The following MYO3B variants were observed in gnomAD, a reference collection of about 807,000 sequenced individuals.
MYO3B encodes the protein myosin IIIB, also known as myosin-IIIb.
MYO3B carries 156 observed loss-of-function variants against 174.6 expected under a neutral mutation model. That is an observed-to-expected ratio of 0.89 (90% confidence interval 0.78 to 1.02). MYO3B has a LOEUF of 1.02. MYO3B is among the 50% of genes least tolerant of loss of function. The pLI is 0.00. For synonymous variants in MYO3B, 563 were observed against 569.1 expected (o/e 0.99, Z 0.15); for missense variants, 1,632 against 1,639.4 (o/e 1.00, Z 0.08).
intron 1 of MYO3B, among the ~76,000 whole-genome samples, chr2:170,193,953 A>G (rs1354950487): frequency 6.6e-6 from 1 of 152,158 alleles, no homozygotes; most frequent in Admixed American, 6.6e-5. Flanking sequence ...TTTGAAATGT[A>G]TAACATTTCC....
At chr2:170,443,445 T>A (rs2094817278) in intron 22 of MYO3B, among the ~76,000 whole-genome samples, 1 of 152,234 alleles carries the variant, frequency 6.6e-6, no homozygotes, top group Non-Finnish European at 1.5e-5. Flanking sequence ...GTAGGTTGCC[T>A]GTTCACTCTG....
At position 170,369,277 on chromosome 2, in the gene MYO3B, C is replaced by G. The variant is rs764966692; in HGVS notation, c.871C>G (p.Pro291Ala). ...RPSVTHLLDHPFIKGVHGKVL... is the reference protein window; with the variant it reads ...RPSVTHLLDHAFIKGVHGKVL... Reference sequence around the variant, plus strand: ...TTCCGTCACACATCTCCTTGACCACCCATTTATTAAAGGAGTACATGGAAA... The same window carrying G: ...TTCCGTCACACATCTCCTTGACCACGCATTTATTAAAGGAGTACATGGAAA... The change falls in exon 9 of 35, where the codon CCA (proline) becomes GCA (alanine). Residue 291 changes from proline (P) to alanine (A), a missense_variant. Pro to Ala is a conservative substitution (Grantham distance 27). Transcript: ENST00000408978. 6.2e-7 allele frequency: 1 copy of G among 1,613,534 alleles called. No homozygotes were observed. The highest frequency in any genetic ancestry group is 8.5e-7 in the Non-Finnish European group (1 of 1,179,636).
chr2:170,505,003 G>A lies in MYO3B; in HGVS notation c.3370+3138G>A, dbSNP rs1687530528. The stretch of plus-strand genomic sequence containing the variant: ...CACATTTGCATTTTCAAAATAAACA[G>A]ATGCCTTTCAAATACATGAGCTGGT... On this transcript the variant is annotated intron_variant, in intron 28 of 34. Coordinates refer to ENST00000408978, the MANE Select transcript of MYO3B (RefSeq NM_138995.5). Among the ~76,000 whole-genome samples, 3 of 152,140 alleles carry A rather than the reference G, an allele frequency of 2.0e-5. No homozygotes were observed. In the South Asian group the frequency reaches 6.2e-4, roughly 32 times the overall value.
intron 24 of MYO3B, among the ~76,000 whole-genome samples, chr2:170,465,275 G>A (rs1218740229): frequency 6.6e-6 from 1 of 152,118 alleles, no homozygotes; most frequent in African/African-American, 2.4e-5. Context: ...GAGGCCTCGG[G>A]GAGCTTTTAC....
chr2:170,488,140 C>T (rs1226345949), intron 25 of MYO3B, among the ~76,000 whole-genome samples: 2 of 152,166 alleles, frequency 1.3e-5, no homozygotes, highest in Admixed American at 6.5e-5. Context: ...ATGGGACTCT[C>T]ATATTCTAGT....
intron 25 of MYO3B, among the ~76,000 whole-genome samples, chr2:170,485,421 A>C (rs1157181818): frequency 1.0e-5 from 1 of 97,422 alleles, no homozygotes; most frequent in South Asian, 3.3e-4. Context: ...ACACACACAC[A>C]GAGAGAGAGA....
intron 7 of MYO3B, among the ~76,000 whole-genome samples, chr2:170,327,402 A>G (rs2093876902): frequency 7.3e-6 from 1 of 137,624 alleles, no homozygotes; most frequent in African/African-American, 2.5e-5. Flanking sequence ...ACAAAGAAGA[A>G]TCAACAAGCT....
chr2:170,626,319 T>A (rs1433676497), intron 32 of MYO3B, among the ~76,000 whole-genome samples: 1 of 152,232 alleles, frequency 6.6e-6, no homozygotes, highest in Non-Finnish European at 1.5e-5. Flanking sequence ...TGGCCTTCTT[T>A]ATCTCTTTTG....
intron 20 of MYO3B, 77 bp downstream of exon 20, chr2:170,404,477 T>C: frequency 7.2e-7 from 1 of 1,391,054 alleles, no homozygotes; most frequent in South Asian, 1.5e-5. Context: ...TGTACTTTAA[T>C]GAATTTACCT....
Position 170,219,984 on chromosome 2 carries a change from T to C in MYO3B, c.603+2589T>C, listed in dbSNP as rs138781868. Among the ~76,000 whole-genome samples the C allele has an allele frequency of 9.1e-3, 1,378 of 152,154 alleles. 8 individuals carry two copies. Among genetic ancestry groups the C allele is most frequent in the Middle Eastern group, 0.014 (4 of 294 alleles). ...TTATTAAGAGGTGTTTGTGGCCGGG[T>C]GTGGTGGCTCATACCTGTAATCCCA... On this transcript the variant is annotated intron_variant, in intron 6 of 34. Transcript: ENST00000408978.
At chr2:170,493,793 A>G (rs1053948587) in intron 25 of MYO3B, among the ~76,000 whole-genome samples, 11 of 151,702 alleles carry the variant, frequency 7.3e-5, no homozygotes, top group Non-Finnish European at 1.5e-4. Flanking sequence ...GCCATCTTCT[A>G]TATAATGAAG....
At chr2:170,645,709 T>A (rs1328064953) in intron 32 of MYO3B, among the ~76,000 whole-genome samples, 1 of 152,206 alleles carries the variant, frequency 6.6e-6, no homozygotes, top group Non-Finnish European at 1.5e-5. Flanking sequence ...TTTGGTACTA[T>A]GTGCCTTATT....
At chr2:170,517,989 T>TTGTGTGTGTGTGTG (rs10606302) in intron 29 of MYO3B, among the ~76,000 whole-genome samples, 6 of 149,394 alleles carry the variant, frequency 4.0e-5, no homozygotes, top group African/African-American at 1.2e-4. Context: ...GCCATAATGT[T>TTGTGTGTGTGTGTG]TGTGTGTGTG....
chr2:170,440,362 C>T (rs939410557), intron 22 of MYO3B, among the ~76,000 whole-genome samples: 8 of 152,138 alleles, frequency 5.3e-5, no homozygotes, highest in African/African-American at 1.9e-4. Context: ...CTGTAGAATG[C>T]TTGGGATAGT....
chr2:170,315,076 G>GTTC (rs2093765764), intron 7 of MYO3B, among the ~76,000 whole-genome samples: 1 of 152,180 alleles, frequency 6.6e-6, no homozygotes, highest in African/African-American at 2.4e-5. Context: ...GCATCCTGTT[G>GTTC]TTCTTAATGT....
intron 6 of MYO3B, among the ~76,000 whole-genome samples, chr2:170,234,185 AAACAAAACAAAAC>A (rs535223932): frequency 0.48 from 49,948 of 105,046 alleles, 12,533 homozygotes; most frequent in Non-Finnish European, 0.5. Flanking sequence ...AAAAAAAAAA[AAACAAAACAAAAC>A]AAAAAAAAAA....
intron 7 of MYO3B, among the ~76,000 whole-genome samples, chr2:170,245,309 T>G (rs2093177981): frequency 6.6e-6 from 1 of 152,070 alleles, no homozygotes; most frequent in Non-Finnish European, 1.5e-5. Context: ...AGCCGTGAGT[T>G]TAATAGCCCA....
At chr2:170,288,936 C>CA (rs1280050425) in intron 7 of MYO3B, among the ~76,000 whole-genome samples, 9 of 151,970 alleles carry the variant, frequency 5.9e-5, no homozygotes, top group African/African-American at 2.2e-4. Context: ...TGAATTTTAT[C>CA]AAATGTTTTT....
At chr2:170,441,914 C>T (rs1454699157) in intron 22 of MYO3B, among the ~76,000 whole-genome samples, 1 of 152,118 alleles carries the variant, frequency 6.6e-6, no homozygotes, top group African/African-American at 2.4e-5. Context: ...TTGTGCCAAC[C>T]TCTTATCTCA....
Sources: gnomAD v4.1 joint callset for allele counts (sites outside exome capture counted in the v4.1 genomes callset) on GRCh38, gnomAD v4.1.1 for gene constraint, MANE v1.5 for transcripts, NCBI Gene and HGNC (gene_info 2026-07-23, HGNC 2026-07-21) for gene names.